The following TTLL11 variants were observed in gnomAD, a reference collection of about 807,000 sequenced individuals.
TTLL11 encodes the protein tubulin polyglutamylase TTLL11.
Under a neutral mutation model 51.7 loss-of-function variants are expected in TTLL11, and 42 were observed. That is an observed-to-expected ratio of 0.81 (90% CI 0.64 to 1.05). TTLL11 has a LOEUF of 1.05. TTLL11 is among the 50% of genes least tolerant of loss of function. The pLI, the probability that TTLL11 is intolerant of heterozygous loss-of-function variation, is 0.00. For synonymous variants in TTLL11, 381 were observed against 383.5 expected, an observed-to-expected ratio of 0.99 and a Z score of 0.08; for missense variants, 799 against 940.4, an observed-to-expected ratio of 0.85 and a Z score of 1.97.
intron 1 of TTLL11, among the ~76,000 whole-genome samples, chr9:122,077,039 C>T (rs1251949328): frequency 6.6e-6 from 1 of 152,036 alleles, no homozygotes; most frequent in African/African-American, 2.4e-5. Flanking sequence ...GCGCTGAGAC[C>T]CTATAGCTAT....
chr9:121,875,245 G>A lies in TTLL11; in HGVS notation c.1482-4497C>T, dbSNP rs146852638. On this transcript the variant is annotated intron_variant, in intron 6 of 8. Transcript: ENST00000321582. Reference sequence around the variant, plus strand: ...TTTGATCAGCATATCATCCAGGGTCGTGGGCTTAGCTGGGGTTGCCCTGGT... The same window carrying A: ...TTTGATCAGCATATCATCCAGGGTCATGGGCTTAGCTGGGGTTGCCCTGGT... Among the ~76,000 whole-genome samples the A allele has an allele frequency of 1.9e-3, 286 of 152,276 alleles. 1 individual carries two copies. Among genetic ancestry groups the A allele is most frequent in the African/African-American group, 6.6e-3 (274 of 41,546 alleles).
In TTLL11 at chr9:121,957,004, C is replaced by T. The variant is rs1842038725; in HGVS notation, c.1481+17005G>A. On this transcript the variant is annotated intron_variant, in intron 6 of 8. Transcript: ENST00000321582. Reference sequence around the variant, plus strand: ...CAGAAGAAGGGGAGTCTGGGAGTGGCCTTGCTGACTCAAACCAGAATCTGA... The same window carrying T: ...CAGAAGAAGGGGAGTCTGGGAGTGGTCTTGCTGACTCAAACCAGAATCTGA... Among the ~76,000 whole-genome samples, 3 of 152,290 alleles carry T rather than the reference C, an allele frequency of 2.0e-5. No individual in the cohort carries two copies. The South Asian group carries it at 6.2e-4, about 32-fold the overall frequency.
intron 1 of TTLL11, among the ~76,000 whole-genome samples, chr9:122,071,954 G>GT (rs1845740518): frequency 6.6e-6 from 1 of 152,236 alleles, no homozygotes; most frequent in South Asian, 2.1e-4. Context: ...CAAGGAGGGT[G>GT]TCCCCACTTC....
At chr9:122,043,674 G>GT (rs1844911029) in intron 1 of TTLL11, among the ~76,000 whole-genome samples, 1 of 151,976 alleles carries the variant, frequency 6.6e-6, no homozygotes, top group African/African-American at 2.4e-5. Flanking sequence ...ATATGACAAC[G>GT]TAAGCACAGC....
intron 6 of TTLL11, among the ~76,000 whole-genome samples, chr9:121,897,398 C>T (rs547547234): frequency 3.0e-4 from 46 of 152,232 alleles, no homozygotes; most frequent in Non-Finnish European, 5.7e-4. Context: ...CTGGGGGCTG[C>T]GGTCATTCTT....
intron 2 of TTLL11, among the ~76,000 whole-genome samples, chr9:122,038,850 G>C (rs529604900): frequency 6.6e-6 from 1 of 152,250 alleles, no homozygotes; most frequent in East Asian, 1.9e-4. Flanking sequence ...ATGGAGACCA[G>C]TATATTTGGT....
chr9:121,980,085 C>T (rs1040816597), intron 4 of TTLL11, among the ~76,000 whole-genome samples: 1 of 151,926 alleles, frequency 6.6e-6, no homozygotes. Context: ...AGAGATACCA[C>T]AAGCAAGTCA....
At chr9:121,971,756 A>G (rs1588166249) in intron 6 of TTLL11, among the ~76,000 whole-genome samples, 1 of 150,382 alleles carries the variant, frequency 6.6e-6, no homozygotes, top group African/African-American at 2.4e-5. Context: ...GAAAAAAAAA[A>G]AAAAAGAAAA....
intron 1 of TTLL11, among the ~76,000 whole-genome samples, chr9:122,043,433 C>T (rs2131832729): frequency 6.6e-6 from 1 of 152,170 alleles, no homozygotes; most frequent in African/African-American, 2.4e-5. Context: ...AACTGAATAT[C>T]CACGTGCAAA....
At chr9:121,882,792 C>G (rs1191896323) in intron 6 of TTLL11, among the ~76,000 whole-genome samples, 1 of 152,192 alleles carries the variant, frequency 6.6e-6, no homozygotes, top group Non-Finnish European at 1.5e-5. Flanking sequence ...CACAGCCTTC[C>G]TGGATCCTTC....
chr9:121,967,503 G>A (rs1842437843), intron 6 of TTLL11, among the ~76,000 whole-genome samples: 1 of 152,108 alleles, frequency 6.6e-6, no homozygotes, highest in Admixed American at 6.5e-5. Flanking sequence ...GATTACAGGC[G>A]TGAGCCACCG....
intron 6 of TTLL11, among the ~76,000 whole-genome samples, chr9:121,914,654 C>T (rs930452422): frequency 2.6e-5 from 4 of 152,228 alleles, no homozygotes; most frequent in Non-Finnish European, 5.9e-5. Flanking sequence ...CACATCCTCA[C>T]GCAGCCCACT....
At position 121,995,757 on chromosome 9, in the gene TTLL11, A is replaced by G. The variant is rs1843237837; in HGVS notation, c.694-5987T>C. 6.6e-6 allele frequency among the ~76,000 whole-genome samples: 1 copy of G among 152,198 alleles called. No individual in the cohort carries two copies. Among genetic ancestry groups the G allele is most frequent in the East Asian group, 1.9e-4 (1 of 5,188 alleles). ...TCGGAACCAGGCCAGGTTGTCCGAT[A>G]TCTCCTACAGATGATTAATTCTGAT... On this transcript the variant is annotated intron_variant, in intron 3 of 8. Coordinates refer to ENST00000321582, the MANE Select transcript of TTLL11 (RefSeq NM_001139442.2). The surrounding 1 kb of genome is among the most constrained non-coding windows in gnomAD (Gnocchi z 4.4).
At chr9:122,072,073 G>A (rs559930808) in intron 1 of TTLL11, among the ~76,000 whole-genome samples, 3 of 152,170 alleles carry the variant, frequency 2.0e-5, no homozygotes, top group East Asian at 3.9e-4. Flanking sequence ...ATACACCCCT[G>A]TTTAAAACCT....
chr9:121,837,252 G>C (rs1034084232), intron 8 of TTLL11, among the ~76,000 whole-genome samples: 4 of 152,028 alleles, frequency 2.6e-5, no homozygotes, highest in African/African-American at 7.2e-5. Context: ...ACATCTTTGT[G>C]TATATATCAG....
At chr9:121,921,636 G>C (rs1442689847) in intron 6 of TTLL11, among the ~76,000 whole-genome samples, 1 of 152,164 alleles carries the variant, frequency 6.6e-6, no homozygotes, top group Non-Finnish European at 1.5e-5. Flanking sequence ...ATTTATTTCT[G>C]TGTACTTTCT....
intron 6 of TTLL11, among the ~76,000 whole-genome samples, chr9:121,889,854 C>T (rs572079604): frequency 1.2e-3 from 184 of 150,728 alleles, no homozygotes; most frequent in African/African-American, 4.2e-3. Context: ...GAGCCAAGAT[C>T]GCACCACTAT....
At chr9:121,937,585 A>G (rs1390545193) in intron 6 of TTLL11, among the ~76,000 whole-genome samples, 1 of 119,958 alleles carries the variant, frequency 8.3e-6, no homozygotes, top group Non-Finnish European at 1.6e-5. Flanking sequence ...ACCCTTCTCT[A>G]TTGGCATATA....
At chr9:121,918,213 G>A (rs556843208) in intron 6 of TTLL11, among the ~76,000 whole-genome samples, 1 of 152,320 alleles carries the variant, frequency 6.6e-6, no homozygotes, top group Non-Finnish European at 1.5e-5. Context: ...CCACATCTTT[G>A]GCAGAGGGCT....
Sources: allele counts gnomAD v4.1 joint callset (sites outside exome capture counted in the v4.1 genomes callset), GRCh38; gene constraint gnomAD v4.1.1; non-coding constraint Gnocchi (gnomAD v3.1); transcripts MANE v1.5; gene names NCBI Gene and HGNC (gene_info 2026-07-23, HGNC 2026-07-21).